RIC1: variants seen among roughly 807,000 people sequenced by gnomAD.
RIC1 encodes the protein guanine nucleotide exchange factor subunit RIC1.
Under a neutral mutation model 169.0 loss-of-function variants are expected in RIC1, and 88 were observed. The ratio of observed to expected loss-of-function variants is 0.52; its 90% CI spans 0.44 to 0.62. The LOEUF (loss-of-function observed/expected upper bound fraction) is 0.62. Ranked by LOEUF, RIC1 falls within the 20% of genes least tolerant of loss-of-function variation. The probability of loss-of-function intolerance (pLI) is 0.00; values close to 1 mark genes in which losing one functional copy is unlikely to be tolerated. For missense variants in RIC1, 1,877 were observed against 1,725.5 expected, an observed-to-expected ratio of 1.09 and a Z score of -1.56; for synonymous variants, 790 against 601.5, an observed-to-expected ratio of 1.31 and a Z score of -4.59.
chr9:5,658,340 G>A (rs1271947477), intron 2 of RIC1, among the ~76,000 whole-genome samples: 2 of 152,032 alleles, frequency 1.3e-5, no homozygotes, highest in Non-Finnish European at 2.9e-5. Flanking sequence ...GGTTAAGTTA[G>A]AAGAATTAAA....
intron 6 of RIC1, among the ~76,000 whole-genome samples, chr9:5,724,102 A>G (rs1160711862): frequency 6.6e-6 from 1 of 152,314 alleles, no homozygotes; most frequent in East Asian, 1.9e-4. Flanking sequence ...GAAGAAAGTC[A>G]TTGGTAACTT....
chr9:5,735,653 T>G (rs564418766), intron 7 of RIC1, among the ~76,000 whole-genome samples: 2 of 152,238 alleles, frequency 1.3e-5, no homozygotes, highest in Non-Finnish European at 2.9e-5. Context: ...CCAACACTTA[T>G]CAGGACTAAT....
chr9:5,659,468 C>G (rs1455523806), intron 2 of RIC1, among the ~76,000 whole-genome samples: 1 of 152,148 alleles, frequency 6.6e-6, no homozygotes, highest in Non-Finnish European at 1.5e-5. Flanking sequence ...GTTGAACCAT[C>G]ATAAGTTCAG....
intron 6 of RIC1, among the ~76,000 whole-genome samples, chr9:5,730,152 A>G (rs1824274368): frequency 1.3e-5 from 2 of 152,226 alleles, no homozygotes; most frequent in African/African-American, 4.8e-5. Context: ...TAACTAAATG[A>G]CATTTAACAG....
In RIC1 at chr9:5,732,400, G is replaced by C. The variant is rs1824422906; in HGVS notation, c.733G>C (p.Val245Leu). 6.2e-7 allele frequency: 1 copy of C among 1,608,452 alleles called. No homozygotes were observed. The highest frequency in any genetic ancestry group is 8.5e-7 in the Non-Finnish European group (1 of 1,177,446). ...TTCTTTATTATAGCAGCTTCATGGA[G>C]TTTGGCCACAAGATGTTGTTGACGG... ...SRFTAEQLHG[V>L]WPQDVVDGTC... The change falls in exon 7 of 26, where the codon GTT (valine) becomes CTT (leucine). Residue 245 changes from valine to leucine, a missense_variant. Val to Leu is a conservative substitution (Grantham distance 32). This residue lies in a region of RIC1 where 1,104 missense variants were observed against 992.0 expected (regional missense o/e 1.11). Transcript: ENST00000414202.
chr9:5,770,207 A>C lies in RIC1; in HGVS notation c.3545A>C (p.His1182Pro). The change falls in exon 23 of 26, where the codon CAT becomes CCT. Residue 1182 changes from histidine (H) to proline (P), a missense_variant. Physicochemically the swap from His to Pro is moderately conservative, Grantham distance 77. This residue lies in a region of RIC1 where 681 missense variants were observed against 582.0 expected (regional missense o/e 1.17). Coordinates refer to ENST00000414202, the MANE Select transcript of RIC1 (RefSeq NM_020829.4). ...SWLSNIGPTH[H>P]EIDTASSHGP... is the part of the protein sequence containing the mutation. ...CTCAGCAACATTGGCCCCACCCATC[A>C]TGAGATAGACACAGCTTCATCCCAT... is the stretch of plus-strand genomic sequence containing the variant. 1 of 1,614,060 alleles carries C rather than the reference A, an allele frequency of 6.2e-7. No individual in the cohort carries two copies.
intron 6 of RIC1, among the ~76,000 whole-genome samples, chr9:5,721,111 A>C (rs1823560487): frequency 6.6e-6 from 1 of 151,992 alleles, no homozygotes; most frequent in African/African-American, 2.4e-5. Context: ...GTGACCATTT[A>C]CTTCCCTCTT....
At chr9:5,650,558 G>A (rs1357486937) in intron 1 of RIC1, among the ~76,000 whole-genome samples, 1 of 152,052 alleles carries the variant, frequency 6.6e-6, no homozygotes, top group Non-Finnish European at 1.5e-5. Context: ...AGAGGCTGGG[G>A]TGGGGCAGGT....
chr9:5,712,518 G>T (rs1402951998), intron 3 of RIC1, among the ~76,000 whole-genome samples: 1 of 152,154 alleles, frequency 6.6e-6, no homozygotes, highest in East Asian at 1.9e-4. Flanking sequence ...CCATCAAAAA[G>T]TGGGCAAAGG....
At chr9:5,713,649 C>T in intron 3 of RIC1, 1 of 280,368 alleles carries the variant, frequency 3.6e-6, no homozygotes, top group Non-Finnish European at 6.7e-6. Flanking sequence ...GGGTTTTTTT[C>T]TCAGATTCTC....
Position 5,743,000 on chromosome 9 carries a change from G to C in RIC1, c.1033G>C (p.Gly345Arg). The change falls in exon 9 of 26, where the codon GGA (glycine) becomes CGA (arginine). Residue 345 changes from glycine (G) to arginine (R), a missense_variant. By Grantham distance (125) the Gly-to-Arg change is moderately radical (BLOSUM62 -2). Transcript: ENST00000414202. ...TGGAGCACAGCTGATTTGTACACTT[G>C]GAGGAGATTTTGCGTAAGTCAAAAA... ...VFGAQLICTL[G>R]GDFAYRSDGT... The C allele has an allele frequency of 6.2e-7, 1 of 1,606,732 alleles. No homozygotes were observed. The highest frequency in any genetic ancestry group is 2.2e-5 in the East Asian group (1 of 44,790).
chr9:5,762,605 G>C lies in RIC1; in HGVS notation c.2057G>C (p.Arg686Thr). ...CAGCTCATCATGATGCAGAGGGACA[G>C]GTCAGGCCCACAGATCCGGGAGAAG... Reference protein sequence around the residue: ...AGQLIMMQRDRSGPQIREKDS... With the variant: ...AGQLIMMQRDTSGPQIREKDS... Residue 686 changes from arginine (R) to threonine (T), a missense_variant, in exon 18 of 26, where the codon AGG (arginine) becomes ACG (threonine). Around this residue, in one of 3 missense-constraint regions of RIC1, gnomAD observed 1,104 missense variants for 992.0 expected, o/e 1.11. Transcript: ENST00000414202. 1 of 1,614,052 alleles carries C rather than the reference G, an allele frequency of 6.2e-7. No homozygotes were observed. Among genetic ancestry groups the C allele is most frequent in the Non-Finnish European group, 8.5e-7 (1 of 1,179,956 alleles).
At chr9:5,742,135 G>A (rs1563942326) in intron 8 of RIC1, among the ~76,000 whole-genome samples, 1 of 152,096 alleles carries the variant, frequency 6.6e-6, no homozygotes, top group Non-Finnish European at 1.5e-5. Flanking sequence ...TTTCCTACAT[G>A]GCAGAGGCTT....
intron 2 of RIC1, among the ~76,000 whole-genome samples, chr9:5,684,384 T>C (rs1346431995): frequency 6.7e-6 from 1 of 149,208 alleles, no homozygotes; most frequent in Non-Finnish European, 1.5e-5. Flanking sequence ...TTGGGGAGAG[T>C]TGCTATCTTA....
intron 21 of RIC1, among the ~76,000 whole-genome samples, chr9:5,766,039 C>G (rs569803426): frequency 6.6e-6 from 1 of 152,182 alleles, no homozygotes; most frequent in East Asian, 1.9e-4. Context: ...TGTACCTGTT[C>G]TGAATGTAAC....
chr9:5,732,950 A>G (rs1250797903), intron 7 of RIC1, among the ~76,000 whole-genome samples: 1 of 152,202 alleles, frequency 6.6e-6, no homozygotes, highest in Non-Finnish European at 1.5e-5. Flanking sequence ...AAAATTGAAT[A>G]AAATTATTTA....
At chr9:5,695,304 T>C (rs1821822863) in intron 3 of RIC1, among the ~76,000 whole-genome samples, 1 of 152,228 alleles carries the variant, frequency 6.6e-6, no homozygotes, top group Non-Finnish European at 1.5e-5. Context: ...GAACTTTTTT[T>C]ATTAGCTGTA....
chr9:5,649,002 C>G (rs573921393), intron 1 of RIC1, among the ~76,000 whole-genome samples: 2 of 152,166 alleles, frequency 1.3e-5, no homozygotes, highest in South Asian at 2.1e-4. Context: ...ATGCACAAAA[C>G]AAGTCTCAAA....
intron 2 of RIC1, among the ~76,000 whole-genome samples, chr9:5,660,355 TG>T (rs1263242240): frequency 6.6e-6 from 1 of 152,138 alleles, no homozygotes; most frequent in African/African-American, 2.4e-5. Context: ...ATTTATATTT[TG>T]GGGGGTATAC....
Sources: gnomAD v4.1 joint callset for allele counts (sites outside exome capture counted in the v4.1 genomes callset) on GRCh38, gnomAD v4.1.1 for gene constraint, gnomAD v4.1.1 regional missense constraint, MANE v1.5 for transcripts, NCBI Gene and HGNC (gene_info 2026-07-23, HGNC 2026-07-21) for gene names.